PRKD1: variants seen among roughly 807,000 people sequenced by gnomAD.
PRKD1 encodes the protein protein kinase D1.
Under a neutral mutation model 95.9 loss-of-function variants are expected in PRKD1, and 63 were observed. The ratio of observed to expected loss-of-function variants is 0.66; its 90% CI spans 0.54 to 0.81. PRKD1 has a LOEUF of 0.81. PRKD1 is among the 30% of genes least tolerant of loss of function. PRKD1 has a pLI of 0.00. For synonymous variants in PRKD1, 425 were observed against 423.1 expected, an observed-to-expected ratio of 1.00 and a Z score of -0.05; for missense variants, 1,048 against 1,165.3, an observed-to-expected ratio of 0.90 and a Z score of 1.47.
rs879704688 is a variant in PRKD1, at chr14:29,577,015, G to A, written c.*223C>T. On this transcript the variant is annotated 3_prime_UTR_variant, in exon 18 of 18. Coordinates refer to ENST00000331968, the MANE Select transcript of PRKD1 (RefSeq NM_002742.3). ...TGAATCATTCACAATAACAAGTTTC[G>A]TGTTTCAGGGAACTTTTGTTAATAC... 5.3e-5 allele frequency: 30 copies of A among 569,680 alleles called. No homozygotes were observed. Among genetic ancestry groups the A allele is most frequent in the Admixed American group, 2.1e-4 (7 of 32,990 alleles). 35.3% of individuals were successfully genotyped at this position (569,680 alleles called of 1,614,324 possible).
chr14:29,780,310 C>T lies in PRKD1; in HGVS notation c.265-54636G>A, dbSNP rs551764234. On this transcript the variant is annotated intron_variant, in intron 1 of 17. Transcript: ENST00000331968. ...AATGGGATCTAATTAAACTAAAGAG[C>T]TTCTGCACATCAAAAGAAACTACCA... Among the ~76,000 whole-genome samples the T allele has an allele frequency of 2.0e-5, 3 of 152,268 alleles. No homozygotes were observed. In the South Asian group the frequency reaches 6.2e-4, roughly 32 times the overall value.
Position 29,779,216 on chromosome 14 carries a change from G to C in PRKD1, c.265-53542C>G, listed in dbSNP as rs574205654. On this transcript the variant is annotated intron_variant, in intron 1 of 17. Coordinates refer to ENST00000331968, the MANE Select transcript of PRKD1 (RefSeq NM_002742.3). ...GGCAAAAACGGGAAGCGTTCCCTTT[G>C]AAAACTGGCACAAGACAGGGATGTC... Among the ~76,000 whole-genome samples the C allele has an allele frequency of 1.2e-4, 19 of 152,262 alleles. No individual in the cohort carries two copies. In the South Asian group the frequency reaches 2.7e-3, roughly 22 times the overall value.
intron 8 of PRKD1, 92 bp from the exon 9 acceptor site, chr14:29,633,038 C>A: frequency 5.0e-6 from 6 of 1,189,278 alleles, no homozygotes; most frequent in East Asian, 2.4e-5. Context: ...TAGGGACATG[C>A]GATTTGAGGG....
chr14:29,756,382 G>T (rs758870478), intron 1 of PRKD1, among the ~76,000 whole-genome samples: 8 of 152,210 alleles, frequency 5.3e-5, no homozygotes, highest in Non-Finnish European at 1.0e-4. Context: ...CAGTCATGAA[G>T]GTGTATTCAA....
intron 13 of PRKD1, among the ~76,000 whole-genome samples, chr14:29,608,529 C>T (rs1225274786): frequency 6.6e-6 from 1 of 152,126 alleles, no homozygotes; most frequent in Non-Finnish European, 1.5e-5. Context: ...CCAAATTATA[C>T]ATTTTTCTCA....
At chr14:29,914,487 GCTCACGC>G (rs1438775444) in intron 1 of PRKD1, among the ~76,000 whole-genome samples, 1 of 152,204 alleles carries the variant, frequency 6.6e-6, no homozygotes, top group African/African-American at 2.4e-5. Context: ...GGGCACAGTG[GCTCACGC>G]CTGTAATCTC....
chr14:29,925,035 TA>T (rs1470058183), intron 1 of PRKD1, among the ~76,000 whole-genome samples: 1 of 152,184 alleles, frequency 6.6e-6, no homozygotes, highest in Admixed American at 6.5e-5. Flanking sequence ...TTCACATCTA[TA>T]AATCTAACCC....
intron 1 of PRKD1, among the ~76,000 whole-genome samples, chr14:29,799,479 A>G (rs1323704686): frequency 1.3e-5 from 2 of 152,234 alleles, no homozygotes; most frequent in African/African-American, 4.8e-5. Flanking sequence ...AAGTTTTGTT[A>G]TTTATAGCAC....
At chr14:29,818,651 A>C (rs1435766294) in intron 1 of PRKD1, among the ~76,000 whole-genome samples, 1 of 151,424 alleles carries the variant, frequency 6.6e-6, no homozygotes, top group Admixed American at 6.6e-5. Flanking sequence ...CCTATGCTCC[A>C]GTACAACTAT....
Position 29,632,811 on chromosome 14 carries a change from C to T in PRKD1, c.1392+58G>A. ...TGTATTTCCTATTTCTTATACTCTACATTCCCATGAAAAAGCAATAAGAGG... is the reference window on the plus strand; with the variant it reads ...TGTATTTCCTATTTCTTATACTCTATATTCCCATGAAAAAGCAATAAGAGG... On this transcript the variant is annotated intron_variant, in intron 9 of 17. Coordinates refer to ENST00000331968, the MANE Select transcript of PRKD1 (RefSeq NM_002742.3). 9 of 1,458,856 alleles carry T rather than the reference C, an allele frequency of 6.2e-6. No homozygotes were observed. The South Asian group carries it at 1.0e-4, about 17-fold the overall frequency. The allele number at this position is 1,458,856 out of a possible 1,614,324, so 90.4% of individuals were successfully genotyped here. A position where few individuals can be genotyped will look rare whatever the true frequency, so the allele number is the denominator to read the frequency against.
At chr14:29,870,804 C>A (rs964839738) in intron 1 of PRKD1, among the ~76,000 whole-genome samples, 4 of 152,020 alleles carry the variant, frequency 2.6e-5, no homozygotes, top group Non-Finnish European at 4.4e-5. Flanking sequence ...ACTCAGAGAT[C>A]ATGTTTATAT....
At position 29,579,370 on chromosome 14, in the gene PRKD1, A is replaced by ATATT. The variant is rs1238763699; in HGVS notation, c.2435-1014_2435-1011dup. Among the ~76,000 whole-genome samples the ATATT allele has an allele frequency of 2.6e-5, 4 of 152,112 alleles. No homozygotes were observed. In the East Asian group the frequency reaches 7.7e-4, roughly 29 times the overall value. ...TCTGCCAACCTAATAGGAAGCATTT[A>ATATT]TATTTCAAAGAGTTAATTTTTGCCC... On this transcript the variant is annotated intron_variant, in intron 16 of 17. Transcript: ENST00000331968.
chr14:29,782,441 A>G (rs957350572), intron 1 of PRKD1, among the ~76,000 whole-genome samples: 1 of 152,250 alleles, frequency 6.6e-6, no homozygotes, highest in African/African-American at 2.4e-5. Flanking sequence ...AATTATAACT[A>G]TGAGTCTAAA....
chr14:29,872,226 C>T (rs892524672), intron 1 of PRKD1, among the ~76,000 whole-genome samples: 6 of 151,968 alleles, frequency 3.9e-5, no homozygotes, highest in Non-Finnish European at 4.4e-5. Flanking sequence ...AAGCTATTCA[C>T]GCAATTAAAA....
intron 2 of PRKD1, among the ~76,000 whole-genome samples, chr14:29,691,279 G>A (rs929267210): frequency 6.6e-6 from 1 of 152,178 alleles, no homozygotes; most frequent in African/African-American, 2.4e-5. Context: ...GTTCTATACA[G>A]CCCACTCGTG....
At chr14:29,663,672 G>C (rs777454516) in intron 4 of PRKD1, 27 bp downstream of exon 4, 2 of 1,606,504 alleles carry the variant, frequency 1.2e-6, no homozygotes, top group Non-Finnish European at 1.7e-6. Flanking sequence ...CATGTAAATG[G>C]GGAAGTGGGT....
chr14:29,834,723 T>C (rs1416907341), intron 1 of PRKD1, among the ~76,000 whole-genome samples: 4 of 152,182 alleles, frequency 2.6e-5, no homozygotes, highest in Admixed American at 2.0e-4. Context: ...AATTCTTACC[T>C]GTTAGGCACT....
intron 1 of PRKD1, among the ~76,000 whole-genome samples, chr14:29,758,771 C>T (rs1008979561): frequency 6.6e-5 from 10 of 152,180 alleles, no homozygotes; most frequent in Non-Finnish European, 1.5e-4. Context: ...ATAAAGCCCA[C>T]CTTCCTCCAT....
chr14:29,749,585 T>C (rs1354046281), intron 1 of PRKD1, among the ~76,000 whole-genome samples: 3 of 152,292 alleles, frequency 2.0e-5, no homozygotes, highest in African/African-American at 4.8e-5. Context: ...ACTCAACTGT[T>C]TACTTAATGG....
Sources: gnomAD v4.1 joint callset for allele counts (sites outside exome capture counted in the v4.1 genomes callset) on GRCh38, gnomAD v4.1.1 for gene constraint, MANE v1.5 for transcripts, NCBI Gene and HGNC (gene_info 2026-07-23, HGNC 2026-07-21) for gene names.